The following FMNL1 variants were observed in gnomAD, a reference collection of about 807,000 sequenced individuals.
FMNL1 encodes formin like 1, also known as formin-like protein 1.
Under a neutral mutation model 121.3 loss-of-function variants are expected in FMNL1, and 43 were observed. The observed-to-expected ratio is 0.35, with a 90% CI of 0.28 to 0.46. The LOEUF is 0.46. Among genes scored for constraint, FMNL1 ranks in the 20% least tolerant of loss-of-function variants. The pLI is 1.00. For synonymous variants in FMNL1, 613 were observed against 613.5 expected, an observed-to-expected ratio of 1.00 and a Z score of 0.01; for missense variants, 1,191 against 1,482.4, an observed-to-expected ratio of 0.80 and a Z score of 3.23.
At position 45,231,243 on chromosome 17, in the gene FMNL1, G is replaced by A. The variant is rs1021218895; in HGVS notation, c.213+556G>A. ...CCACCCCTCCAGCTTCAAGGGCTGCGGTCGGCCATGGGCCGACCCTCTCCC... is the reference window on the plus strand; with the variant it reads ...CCACCCCTCCAGCTTCAAGGGCTGCAGTCGGCCATGGGCCGACCCTCTCCC... On this transcript the variant is annotated intron_variant, in intron 2 of 26. Transcript: ENST00000331495. The surrounding 1 kb of genome is among the most constrained non-coding windows in gnomAD (Gnocchi z 4.7). Among the ~76,000 whole-genome samples the A allele has an allele frequency of 1.1e-4, 16 of 151,414 alleles. No individual in the cohort carries two copies. Among genetic ancestry groups the A allele is most frequent in the South Asian group, 2.1e-4 (1 of 4,832 alleles).
chr17:45,230,730 C>G, intron 2 of FMNL1, 43 bp downstream of exon 2: 1 of 1,599,628 alleles, frequency 6.3e-7, no homozygotes, highest in African/African-American at 1.3e-5. Flanking sequence ...CTCCCACTGT[C>G]AGTACCCCAC....
At chr17:45,229,050 T>TC (rs60531740) in intron 1 of FMNL1, among the ~76,000 whole-genome samples, 47,705 of 151,980 alleles carry the variant, frequency 0.31, 8,652 homozygotes, top group East Asian at 0.48. Context: ...CCTGGGCGGT[T>TC]CCCCCACCCC....
chr17:45,241,073 C>G lies in FMNL1; in HGVS notation c.1231-56C>G. On this transcript the variant is annotated intron_variant, in intron 12 of 26. Coordinates refer to ENST00000331495, the MANE Select transcript of FMNL1 (RefSeq NM_005892.4). The surrounding 1 kb of genome is among the most constrained non-coding windows in gnomAD (Gnocchi z 7.0). The stretch of plus-strand genomic sequence containing the variant: ...AGGCATGCCTGATGCCGCCCCCTCA[C>G]CGGCGGTGCCAGTGCCGGGCTGCGG... The G allele has an allele frequency of 6.2e-7, 1 of 1,600,166 alleles. No homozygotes were observed. Among genetic ancestry groups the G allele is most frequent in the Non-Finnish European group, 8.5e-7 (1 of 1,170,864 alleles).
chr17:45,222,349 C>A, intron 1 of FMNL1, 96 bp downstream of exon 1: 2 of 1,018,096 alleles, frequency 2.0e-6, no homozygotes, highest in Non-Finnish European at 2.4e-6. Flanking sequence ...GACTCAGGTG[C>A]CGCTTGGAGA....
Position 45,246,229 on chromosome 17 carries a change from G to A in FMNL1, c.3110G>A (p.Arg1037Gln), listed in dbSNP as rs780634604. Reference sequence around the variant, plus strand: ...CCCTAGTCACCGCCAAAGGCCCGGCGGCCACAGATGGACCTCATCTCTGAG... The same window carrying A: ...CCCTAGTCACCGCCAAAGGCCCGGCAGCCACAGATGGACCTCATCTCTGAG... ...PAPKSPPKAR[R>Q]PQMDLISELK... The change falls in exon 25 of 27, where the codon CGG (arginine) becomes CAG (glutamine). Residue 1037 changes from arginine (R) to glutamine (Q), a missense_variant. By Grantham distance (43) the Arg-to-Gln change is conservative (BLOSUM62 1). Coordinates refer to ENST00000331495, the MANE Select transcript of FMNL1 (RefSeq NM_005892.4). The A allele has an allele frequency of 6.8e-6, 11 of 1,609,510 alleles. 1 individual carries two copies. The highest frequency in any genetic ancestry group is 2.2e-5 in the East Asian group (1 of 44,744).
At chr17:45,223,103 C>T (rs905646216) in intron 1 of FMNL1, among the ~76,000 whole-genome samples, 1 of 152,194 alleles carries the variant, frequency 6.6e-6, no homozygotes, top group Non-Finnish European at 1.5e-5. Context: ...GAGCTGCTCA[C>T]TCTCACTCTC....
At chr17:45,239,369 A>G (rs2043629590) in intron 11 of FMNL1, 1 of 315,190 alleles carries the variant, frequency 3.2e-6, no homozygotes, top group Non-Finnish European at 6.0e-6. Context: ...GGTAGCCCAG[A>G]GTCTGGCTCT....
chr17:45,240,825 C>A, intron 12 of FMNL1, 200 bp downstream of exon 12: 1 of 816,774 alleles, frequency 1.2e-6, no homozygotes, highest in Non-Finnish European at 1.9e-6. Flanking sequence ...TGTGGGTGAG[C>A]ACCCTCACTG....
chr17:45,246,407 C>G, intron 25 of FMNL1, 77 bp downstream of exon 25: 1 of 1,612,812 alleles, frequency 6.2e-7, no homozygotes, highest in Non-Finnish European at 8.5e-7. Flanking sequence ...GCGCTATCCT[C>G]TGGGGGACTG....
chr17:45,246,299 C>T lies in FMNL1; in HGVS notation c.3180C>T (p.Asp1060=), dbSNP rs2043832241. ...AGGAGCCACTCATTTATGAGAGCGACCGTGATGGGGCCATTGAAGACATCA... is the reference window on the plus strand; with the variant it reads ...AGGAGCCACTCATTTATGAGAGCGATCGTGATGGGGCCATTGAAGACATCA... ...QQKEPLIYES[D]RDGAIEDIIT... is the part of the protein sequence containing the mutation. Residue 1060 remains aspartate (D), a synonymous_variant, in exon 25 of 27, where the codon GAC becomes GAT. Transcript: ENST00000331495. 1 of 1,614,038 alleles carries T rather than the reference C, an allele frequency of 6.2e-7. No individual in the cohort carries two copies. The highest frequency in any genetic ancestry group is 2.2e-5 in the East Asian group (1 of 44,884).
At chr17:45,224,848 C>G (rs1291108866) in intron 1 of FMNL1, among the ~76,000 whole-genome samples, 3 of 152,226 alleles carry the variant, frequency 2.0e-5, no homozygotes, top group Non-Finnish European at 4.4e-5. Context: ...CTGCCCAGCC[C>G]CACGGGCCTG....
intron 11 of FMNL1, among the ~76,000 whole-genome samples, chr17:45,239,804 C>CCTTTTTTTT (rs2043641995): frequency 2.7e-5 from 4 of 146,852 alleles, no homozygotes; most frequent in Admixed American, 2.0e-4. Context: ...TCTATGATTG[C>CCTTTTTTTT]TTTTTTTTTG....
At chr17:45,232,993 C>T (rs1257459019) in intron 3 of FMNL1, 4 of 642,020 alleles carry the variant, frequency 6.2e-6, no homozygotes, top group Non-Finnish European at 1.2e-5. Flanking sequence ...CTTGTGTGCC[C>T]ATGTATCGGG....
intron 9 of FMNL1, chr17:45,238,243 G>A (rs1019752208): frequency 3.4e-6 from 1 of 294,774 alleles, no homozygotes; most frequent in Non-Finnish European, 6.4e-6. Context: ...GTCAGGGAAG[G>A]CCTCACTGAG....
Position 45,241,073 on chromosome 17 carries a change from C to T in FMNL1, c.1231-56C>T. The T allele has an allele frequency of 6.2e-7, 1 of 1,600,166 alleles. No individual in the cohort carries two copies. The highest frequency in any genetic ancestry group is 8.5e-7 in the Non-Finnish European group (1 of 1,170,864). Reference sequence around the variant, plus strand: ...AGGCATGCCTGATGCCGCCCCCTCACCGGCGGTGCCAGTGCCGGGCTGCGG... The same window carrying T: ...AGGCATGCCTGATGCCGCCCCCTCATCGGCGGTGCCAGTGCCGGGCTGCGG... On this transcript the variant is annotated intron_variant, in intron 12 of 26. Transcript: ENST00000331495. This position sits in a 1 kb window ranked among gnomAD's most constrained non-coding sequence, Gnocchi z 7.0.
Position 45,237,606 on chromosome 17 carries a change from C to A in FMNL1, c.861C>A (p.Asp287Glu). The A allele has an allele frequency of 6.2e-7, 1 of 1,614,194 alleles. No homozygotes were observed. Among genetic ancestry groups the A allele is most frequent in the South Asian group, 1.1e-5 (1 of 91,086 alleles). ...TGTGCTTGGTGCGGGGAGGACATGA[C>A]ATCATCCTTGCAGCCTTTGACAACT... ...AAVCLVRGGH[D>E]IILAAFDNFK... Residue 287 changes from aspartate to glutamate, a missense_variant, in exon 9 of 27, where the codon GAC becomes GAA. Asp to Glu is a conservative substitution (Grantham distance 45). Coordinates refer to ENST00000331495, the MANE Select transcript of FMNL1 (RefSeq NM_005892.4). This position sits in a 1 kb window ranked among gnomAD's most constrained non-coding sequence, Gnocchi z 4.4.
Position 45,245,749 on chromosome 17 carries a change from G to A in FMNL1, c.2994+16G>A. ...GGCCTACAAGGTATTCGGGTCTGGG[G>A]CAGGCTGGGAGCCCTGTAGGGCACT... On this transcript the variant is annotated intron_variant, in intron 23 of 26. Transcript: ENST00000331495. 6.2e-7 allele frequency: 1 copy of A among 1,613,860 alleles called. No individual in the cohort carries two copies. Among genetic ancestry groups the A allele is most frequent in the South Asian group, 1.1e-5 (1 of 91,070 alleles).
At chr17:45,232,176 TAAAAG>T (rs941264812) in intron 2 of FMNL1, among the ~76,000 whole-genome samples, 186 bp from the exon 3 acceptor site, 8 of 151,842 alleles carry the variant, frequency 5.3e-5, no homozygotes, top group African/African-American at 1.9e-4. Flanking sequence ...AAGAGAAAGA[TAAAAG>T]AAAAGAAAAA....
In FMNL1 at chr17:45,237,362, G is replaced by A; in HGVS notation, c.800+5G>A. On this transcript the variant is annotated splice_donor_5th_base_variant and intron_variant, in intron 8 of 26. Transcript: ENST00000331495. The surrounding 1 kb of genome is among the most constrained non-coding windows in gnomAD (Gnocchi z 4.4). ...CCTCAACAACAAGAACCCCAGGTGA[G>A]GTCCAGGCCCCAAACCTTTCTCCGT... 2 of 1,614,148 alleles carry A rather than the reference G, an allele frequency of 1.2e-6. No homozygotes were observed. Among genetic ancestry groups the A allele is most frequent in the Non-Finnish European group, 1.7e-6 (2 of 1,180,008 alleles).
Sources: allele counts gnomAD v4.1 joint callset (sites outside exome capture counted in the v4.1 genomes callset), GRCh38; gene constraint gnomAD v4.1.1; non-coding constraint Gnocchi (gnomAD v3.1); transcripts MANE v1.5; gene names NCBI Gene and HGNC (gene_info 2026-07-23, HGNC 2026-07-21).